The following CIMAP1D variants were observed in gnomAD, a reference collection of about 807,000 sequenced individuals.
CIMAP1D encodes protein CIMAP1D.
chr19:475,364 A>C, the CIMAP1D span, among the ~76,000 whole-genome samples: 1 of 152,184 alleles, frequency 6.6e-6, no homozygotes, highest in Non-Finnish European at 1.5e-5. Flanking sequence ...GAAAAGAAGG[A>C]GATGTTCTCA....
At chr19:485,582 G>A in the CIMAP1D span, among the ~76,000 whole-genome samples, 6 of 152,320 alleles carry the variant, frequency 3.9e-5, no homozygotes, top group Non-Finnish European at 5.9e-5. Flanking sequence ...GGAATGAGGC[G>A]GCCCTGACCT....
the CIMAP1D span, among the ~76,000 whole-genome samples, chr19:484,771 CG>C: frequency 6.6e-6 from 1 of 151,814 alleles, no homozygotes; most frequent in Admixed American, 6.6e-5. Context: ...GGAGGGAGGG[CG>C]GGGCTGACCC....
At chr19:488,260 A>C in the CIMAP1D span, among the ~76,000 whole-genome samples, 1 of 150,944 alleles carries the variant, frequency 6.6e-6, no homozygotes, top group Non-Finnish European at 1.5e-5. Context: ...TGGTGGCTGA[A>C]GCCTGTAATC....
At chr19:472,286 CCGCACTAA>C in the CIMAP1D span, 1 of 562,674 alleles carries the variant, frequency 1.8e-6, no homozygotes. Flanking sequence ...CTGCTTCCTG[CCGCACTAA>C]CTGGGGGCCT....
At chr19:486,412 T>C in the CIMAP1D span, among the ~76,000 whole-genome samples, 1 of 150,182 alleles carries the variant, frequency 6.7e-6, no homozygotes, top group Non-Finnish European at 1.5e-5. Flanking sequence ...AGGATCTTCC[T>C]TGGACCACTG....
At chr19:464,062 G>GA in the CIMAP1D span, 1 of 1,580,472 alleles carries the variant, frequency 6.3e-7, no homozygotes, top group South Asian at 1.1e-5. Context: ...GCAGGCAGGC[G>GA]CTGGCGGTAG....
the CIMAP1D span, among the ~76,000 whole-genome samples, chr19:485,131 C>T: frequency 6.6e-6 from 1 of 151,120 alleles, no homozygotes; most frequent in Non-Finnish European, 1.5e-5. Flanking sequence ...CAACCTCAAC[C>T]CAGCGGAGGA....
chr19:477,446 C>T, the CIMAP1D span, among the ~76,000 whole-genome samples: 1 of 151,884 alleles, frequency 6.6e-6, no homozygotes, highest in Non-Finnish European at 1.5e-5. Flanking sequence ...CAGTGGTGCA[C>T]GTCTGTAATC....
chr19:464,311 CA>C, the CIMAP1D span: 1 of 1,540,790 alleles, frequency 6.5e-7, no homozygotes, highest in African/African-American at 1.4e-5. Context: ...CGATGGCGCA[CA>C]GGGGGCACCT....
the CIMAP1D span, among the ~76,000 whole-genome samples, chr19:468,700 G>A: frequency 6.6e-6 from 1 of 152,226 alleles, no homozygotes; most frequent in Non-Finnish European, 1.5e-5. Flanking sequence ...GCACCTGTGT[G>A]TAGCAGCGTG....
chr19:486,451 G>A, the CIMAP1D span, among the ~76,000 whole-genome samples: 1 of 147,374 alleles, frequency 6.8e-6, no homozygotes, highest in African/African-American at 2.6e-5. Flanking sequence ...TGTTTCTGTT[G>A]TTTTTCTGAG....
At chr19:464,746 A>T in the CIMAP1D span, among the ~76,000 whole-genome samples, 5 of 152,156 alleles carry the variant, frequency 3.3e-5, no homozygotes, top group Non-Finnish European at 5.9e-5. Context: ...GGGATCCCAT[A>T]AAAAGGAAGG....
chr19:487,933 T>C, the CIMAP1D span, among the ~76,000 whole-genome samples: 3 of 152,126 alleles, frequency 2.0e-5, no homozygotes, highest in Non-Finnish European at 4.4e-5. Flanking sequence ...ATTCCAGACA[T>C]TGTATGGAAA....
the CIMAP1D span, chr19:474,563 G>A: frequency 7.1e-7 from 1 of 1,408,514 alleles, no homozygotes; most frequent in African/African-American, 1.5e-5. Flanking sequence ...AGAAGCCCCA[G>A]AAGTATGGGG....
the CIMAP1D span, among the ~76,000 whole-genome samples, chr19:477,696 T>C: frequency 6.6e-6 from 1 of 152,248 alleles, no homozygotes; most frequent in Non-Finnish European, 1.5e-5. Context: ...GGAGTCTCGC[T>C]CTGTCGCCCA....
chr19:490,138 C>T, the CIMAP1D span: 6 of 385,568 alleles, frequency 1.6e-5, no homozygotes, highest in African/African-American at 8.3e-5. Flanking sequence ...GGTGGATCAC[C>T]TGAGGTCAGG....
the CIMAP1D span, chr19:464,204 C>A: frequency 6.6e-7 from 1 of 1,514,888 alleles, no homozygotes; most frequent in Non-Finnish European, 8.8e-7. Context: ...TCTGTGAGCC[C>A]CACAGAGGGG....
chr19:481,081 G>A, the CIMAP1D span, among the ~76,000 whole-genome samples: 42 of 118,878 alleles, frequency 3.5e-4, no homozygotes, highest in African/African-American at 1.1e-3. Context: ...TGGGAAGGAT[G>A]ATGGAGAACG....
the CIMAP1D span, among the ~76,000 whole-genome samples, chr19:487,889 C>T: frequency 6.6e-6 from 1 of 152,184 alleles, no homozygotes. Flanking sequence ...AGTTAAAGAG[C>T]GACCCCTGAC....
Sources: allele counts gnomAD v4.1 joint callset (sites outside exome capture counted in the v4.1 genomes callset), GRCh38; gene constraint gnomAD v4.1.1; transcripts MANE v1.5; gene names NCBI Gene and HGNC (gene_info 2026-07-23, HGNC 2026-07-21).